L3MBTL4: variants seen among roughly 807,000 people sequenced by gnomAD.
The protein encoded by L3MBTL4 is lethal(3)malignant brain tumor-like protein 4.
In L3MBTL4, 70 loss-of-function variants were observed where a neutral mutation model predicts 84.5. That is an observed-to-expected ratio of 0.83 (90% CI 0.68 to 1.01). The LOEUF is 1.01. Ranked by LOEUF, L3MBTL4 falls within the 50% of genes least tolerant of loss-of-function variation. The probability of loss-of-function intolerance (pLI) is 0.00; values close to 1 mark genes in which losing one functional copy is unlikely to be tolerated. For missense variants in L3MBTL4, 715 were observed against 754.8 expected, an observed-to-expected ratio of 0.95 and a Z score of 0.62; for synonymous variants, 274 against 259.8, an observed-to-expected ratio of 1.05 and a Z score of -0.52.
At chr18:6,158,298 T>C (rs2043182157) in intron 13 of L3MBTL4, among the ~76,000 whole-genome samples, 1 of 152,156 alleles carries the variant, frequency 6.6e-6, no homozygotes, top group African/African-American at 2.4e-5. Context: ...AAAATAATAG[T>C]GATTGCTATT....
intron 14 of L3MBTL4, among the ~76,000 whole-genome samples, chr18:6,117,846 T>C (rs2059403469): frequency 6.6e-6 from 1 of 152,180 alleles, no homozygotes; most frequent in Admixed American, 6.5e-5. Flanking sequence ...ATTGGACTAA[T>C]GCTGAATAAA....
chr18:6,140,439 A>C (rs150384184), intron 13 of L3MBTL4, among the ~76,000 whole-genome samples: 3 of 152,138 alleles, frequency 2.0e-5, no homozygotes, highest in Non-Finnish European at 4.4e-5. Context: ...TTCTCCTGGG[A>C]AAAAAATGCA....
chr18:6,318,494 T>TAAAAAAAAAAAAAAAAA (rs71370550), intron 1 of L3MBTL4, among the ~76,000 whole-genome samples: 9 of 14,204 alleles, frequency 6.3e-4, no homozygotes, highest in Non-Finnish European at 9.1e-4. Flanking sequence ...ACAACAATAG[T>TAAAAAAAAAAAAAAAAA]AAAAAAAAAA....
intron 16 of L3MBTL4, among the ~76,000 whole-genome samples, chr18:5,991,040 C>T (rs961612075): frequency 1.3e-5 from 2 of 152,102 alleles, no homozygotes; most frequent in Non-Finnish European, 2.9e-5. Context: ...TCCTCTTGGT[C>T]CCCTGAATGC....
chr18:6,178,863 T>C (rs532274554), intron 12 of L3MBTL4, among the ~76,000 whole-genome samples: 1 of 152,320 alleles, frequency 6.6e-6, no homozygotes, highest in African/African-American at 2.4e-5. Context: ...TTATCTTTAC[T>C]TCCCAATGCC....
chr18:5,972,932 T>G (rs4991457), intron 16 of L3MBTL4, among the ~76,000 whole-genome samples: 14 of 53,552 alleles, frequency 2.6e-4, no homozygotes, highest in South Asian at 1.2e-3. Context: ...TAGAATAGAA[T>G]AGAATAGAAT....
At position 6,399,274 on chromosome 18, in the gene L3MBTL4, C is replaced by T. The variant is rs564906598; in HGVS notation, c.-91+15527G>A. On this transcript the variant is annotated intron_variant, in intron 1 of 18. Transcript: ENST00000317931. ...CCAATATGGTGAAACCCCATGTCTA[C>T]TAAAAATACATAAATTACCCGGGTG... Among the ~76,000 whole-genome samples the T allele has an allele frequency of 2.6e-5, 4 of 152,074 alleles. No homozygotes were observed. In the South Asian group the frequency reaches 8.3e-4, roughly 32 times the overall value.
intron 1 of L3MBTL4, among the ~76,000 whole-genome samples, chr18:6,375,581 C>A (rs1407878723): frequency 6.6e-6 from 1 of 152,158 alleles, no homozygotes; most frequent in Admixed American, 6.5e-5. Flanking sequence ...CACTTTTCAT[C>A]CTAGTTCCTT....
chr18:6,262,901 A>C (rs990466093), intron 5 of L3MBTL4, among the ~76,000 whole-genome samples: 20 of 152,140 alleles, frequency 1.3e-4, no homozygotes, highest in African/African-American at 4.6e-4. Context: ...TGGCCCTTTC[A>C]CATGCTAACA....
chr18:6,290,851 C>T (rs1389315775), intron 4 of L3MBTL4, among the ~76,000 whole-genome samples: 1 of 152,118 alleles, frequency 6.6e-6, no homozygotes, highest in Non-Finnish European at 1.5e-5. Flanking sequence ...TATTATCTAC[C>T]TATGGTCTAG....
intron 16 of L3MBTL4, chr18:6,030,504 T>G: frequency 1.5e-6 from 1 of 686,054 alleles, no homozygotes; most frequent in Non-Finnish European, 1.7e-6. Context: ...AGAGACTCTT[T>G]TTTTTTTTTT....
intron 16 of L3MBTL4, among the ~76,000 whole-genome samples, chr18:5,982,037 C>T (rs73940538): frequency 0.066 from 9,682 of 146,274 alleles, 1,052 homozygotes; most frequent in African/African-American, 0.23. Context: ...AGAACGAAAG[C>T]AAAACACTTG....
rs564209674 is a variant in L3MBTL4, at chr18:6,013,227, C to T, written c.1445-43665G>A. On this transcript the variant is annotated intron_variant, in intron 16 of 18. Transcript: ENST00000317931. Reference sequence around the variant, plus strand: ...GGCACTGGCAGGTGAACCCCAGCCCCGCTGGCAATGGGAGGCAGCTTTTTA... The same window carrying T: ...GGCACTGGCAGGTGAACCCCAGCCCTGCTGGCAATGGGAGGCAGCTTTTTA... Among the ~76,000 whole-genome samples, 9 of 152,250 alleles carry T rather than the reference C, an allele frequency of 5.9e-5. No homozygotes were observed. The South Asian group carries it at 1.5e-3, about 25-fold the overall frequency.
intron 13 of L3MBTL4, among the ~76,000 whole-genome samples, chr18:6,144,285 A>T (rs1249017121): frequency 4.0e-5 from 6 of 150,500 alleles, no homozygotes. Context: ...TCACTATTTT[A>T]TTCTCATTTC....
At chr18:6,167,077 A>C (rs1178258181) in intron 13 of L3MBTL4, among the ~76,000 whole-genome samples, 2 of 152,374 alleles carry the variant, frequency 1.3e-5, no homozygotes, top group East Asian at 3.9e-4. Flanking sequence ...GAAAATCTAG[A>C]AGAAATGGAT....
At chr18:6,307,990 G>T (rs1414730247) in intron 3 of L3MBTL4, among the ~76,000 whole-genome samples, 1 of 152,088 alleles carries the variant, frequency 6.6e-6, no homozygotes, top group African/African-American at 2.4e-5. Flanking sequence ...TTTGTGCGCA[G>T]AACGCTTACA....
intron 18 of L3MBTL4, among the ~76,000 whole-genome samples, chr18:5,957,022 TA>T (rs2095231134): frequency 6.6e-6 from 1 of 152,244 alleles, no homozygotes; most frequent in Non-Finnish European, 1.5e-5. Context: ...TATGCATATT[TA>T]AAATATTTTG....
rs990695754 is a variant in L3MBTL4, at chr18:6,344,108, G to T, written c.-90-32052C>A. Among the ~76,000 whole-genome samples, 3 of 149,930 alleles carry T rather than the reference G, an allele frequency of 2.0e-5. No individual in the cohort carries two copies. In the South Asian group the frequency reaches 6.3e-4, roughly 32 times the overall value. ...CAATTAAAAAGACAAATAAAACTAAGAATTGATTATGTGAGACGATCAACT... is the reference window on the plus strand; with the variant it reads ...CAATTAAAAAGACAAATAAAACTAATAATTGATTATGTGAGACGATCAACT... On this transcript the variant is annotated intron_variant, in intron 1 of 18. Transcript: ENST00000317931.
chr18:6,155,023 T>C (rs2043045230), intron 13 of L3MBTL4, among the ~76,000 whole-genome samples: 1 of 152,240 alleles, frequency 6.6e-6, no homozygotes, highest in South Asian at 2.1e-4. Context: ...ATAACCATAT[T>C]TCTTTTACTC....
Sources: gnomAD v4.1 joint callset for allele counts (sites outside exome capture counted in the v4.1 genomes callset) on GRCh38, gnomAD v4.1.1 for gene constraint, MANE v1.5 for transcripts, NCBI Gene and HGNC (gene_info 2026-07-23, HGNC 2026-07-21) for gene names.